NCOA5: variants seen among roughly 807,000 people sequenced by gnomAD.
NCOA5 encodes nuclear receptor coactivator 5, also known as NCoA-5.
A neutral mutation model predicts 59.0 loss-of-function variants in NCOA5; 12 were observed. The ratio of observed to expected loss-of-function variants is 0.20; its 90% CI spans 0.13 to 0.33. The LOEUF is 0.33. NCOA5 is among the 10% of genes least tolerant of loss of function. NCOA5 has a pLI of 1.00. For synonymous variants in NCOA5, 270 were observed against 275.5 expected, an observed-to-expected ratio of 0.98 and a Z score of 0.20; for missense variants, 655 against 766.6, an observed-to-expected ratio of 0.85 and a Z score of 1.72.
chr20:46,070,638 T>C, intron 2 of NCOA5, 102 bp from the exon 3 acceptor site: 1 of 1,112,226 alleles, frequency 9.0e-7, no homozygotes, highest in Non-Finnish European at 1.3e-6. Context: ...CATTCTTCTC[T>C]AAAACAGGGC....
rs555212391 is a variant in NCOA5, at chr20:46,069,887, T to G, written c.365+323A>C. 5.3e-5 allele frequency among the ~76,000 whole-genome samples: 8 copies of G among 152,316 alleles called. No individual in the cohort carries two copies. In the South Asian group the frequency reaches 1.7e-3, roughly 32 times the overall value. On this transcript the variant is annotated intron_variant, in intron 3 of 7. Transcript: ENST00000290231. ...TATACTCAGGAGCGGAACTGATAGA[T>G]CATATGGTAATTCTATGTTTAACTT...
intron 1 of NCOA5, among the ~76,000 whole-genome samples, chr20:46,084,877 C>T (rs1047533912): frequency 6.6e-6 from 1 of 152,104 alleles, no homozygotes; most frequent in Non-Finnish European, 1.5e-5. Context: ...CTAAACTGTA[C>T]AAGTGGAGAA....
intron 2 of NCOA5, among the ~76,000 whole-genome samples, chr20:46,078,657 G>C (rs1285173938): frequency 6.7e-6 from 1 of 149,512 alleles, no homozygotes; most frequent in African/African-American, 2.6e-5. Context: ...TATGGGGCCA[G>C]AACAATTGAA....
At chr20:46,089,204 G>A in intron 1 of NCOA5, among the ~76,000 whole-genome samples, 1 of 152,162 alleles carries the variant, frequency 6.6e-6, no homozygotes, top group East Asian at 1.9e-4. Context: ...TGAGCTACGT[G>A]GTAAACCCGG....
rs1314008558 is a variant in NCOA5 at position 46,065,022 on chromosome 20, T to C, written c.829+7A>G. On this transcript the variant is annotated splice_region_variant and intron_variant, in intron 6 of 7. Transcript: ENST00000290231. Reference sequence around the variant, plus strand: ...TAGTGACTACCTCCGGTATTCTGACTCTGTACCTTGCGGGGTTCCAAACAT... The same window carrying C: ...TAGTGACTACCTCCGGTATTCTGACCCTGTACCTTGCGGGGTTCCAAACAT... 1.2e-6 allele frequency: 2 copies of C among 1,613,926 alleles called. No homozygotes were observed. The highest frequency in any genetic ancestry group is 1.7e-6 in the Non-Finnish European group (2 of 1,179,988).
intron 2 of NCOA5, 138 bp from the exon 3 acceptor site, chr20:46,070,674 T>C: frequency 1.4e-6 from 1 of 725,834 alleles, no homozygotes; most frequent in South Asian, 1.8e-5. Context: ...GACTCAACAT[T>C]TAAGGCCAGT....
At chr20:46,078,605 C>A (rs1270241685) in intron 2 of NCOA5, among the ~76,000 whole-genome samples, 4 of 144,998 alleles carry the variant, frequency 2.8e-5, no homozygotes, top group African/African-American at 1.2e-4. Context: ...TATATCATAT[C>A]TGTCTGCCCT....
intron 2 of NCOA5, among the ~76,000 whole-genome samples, chr20:46,075,285 A>T (rs1237934855): frequency 6.6e-6 from 1 of 152,232 alleles, no homozygotes; most frequent in Non-Finnish European, 1.5e-5. Context: ...TAGAGGTGGC[A>T]GCTGCTGAGA....
intron 2 of NCOA5, among the ~76,000 whole-genome samples, chr20:46,077,262 C>T (rs536411787): frequency 5.7e-4 from 87 of 152,058 alleles, no homozygotes; most frequent in Middle Eastern, 3.4e-3. Context: ...TTTGTTTGTG[C>T]GGGGACTATT....
rs1370313072 is a variant in NCOA5 at position 46,064,929 on chromosome 20, T to C, written c.829+100A>G. 3.5e-6 allele frequency: 4 copies of C among 1,137,640 alleles called. No individual in the cohort carries two copies. The East Asian group carries it at 9.4e-5, about 27-fold the overall frequency. The allele number at this position is 1,137,640 out of a possible 1,614,324, so 70.5% of individuals were successfully genotyped here. A position where few individuals can be genotyped will look rare whatever the true frequency, so the allele number is the denominator to read the frequency against. On this transcript the variant is annotated intron_variant, in intron 6 of 7. Coordinates refer to ENST00000290231, the MANE Select transcript of NCOA5 (RefSeq NM_020967.3). ...GAGAGGGGCCCTACCATATATGAAC[T>C]GAGATATAAGAGTCATTTGCCCAAA...
At chr20:46,077,277 A>T (rs1001875929) in intron 2 of NCOA5, among the ~76,000 whole-genome samples, 3 of 152,134 alleles carry the variant, frequency 2.0e-5, no homozygotes, top group South Asian at 4.1e-4. Context: ...ACTATTATTT[A>T]AAAAAAGCAT....
chr20:46,069,490 C>A (rs1200322366), intron 3 of NCOA5, among the ~76,000 whole-genome samples: 3 of 152,186 alleles, frequency 2.0e-5, no homozygotes, highest in Admixed American at 6.5e-5. Flanking sequence ...AATCTCAGCA[C>A]TTTGGGAAGC....
At chr20:46,086,366 T>A (rs2085045607) in intron 1 of NCOA5, among the ~76,000 whole-genome samples, 1 of 152,218 alleles carries the variant, frequency 6.6e-6, no homozygotes, top group Non-Finnish European at 1.5e-5. Flanking sequence ...TCTCTTTTTT[T>A]AAGTGAAAGG....
chr20:46,086,218 T>A (rs556482552), intron 1 of NCOA5, among the ~76,000 whole-genome samples: 2 of 152,192 alleles, frequency 1.3e-5, no homozygotes, highest in African/African-American at 2.4e-5. Flanking sequence ...GACAAGACAC[T>A]CTGTTTTCTA....
At chr20:46,063,217 G>C (rs1257936397) in intron 7 of NCOA5, 143 bp downstream of exon 7, 1 of 733,968 alleles carries the variant, frequency 1.4e-6, no homozygotes, top group African/African-American at 1.8e-5. Flanking sequence ...ATCAGCATGG[G>C]TGGCCCACGG....
At chr20:46,089,560 A>G (rs975166035) in intron 1 of NCOA5, among the ~76,000 whole-genome samples, 1 of 152,020 alleles carries the variant, frequency 6.6e-6, no homozygotes, top group Non-Finnish European at 1.5e-5. Context: ...CTGCGATGCG[A>G]CGCCGCCGAC....
intron 1 of NCOA5, among the ~76,000 whole-genome samples, chr20:46,083,520 C>A (rs2085014108): frequency 6.6e-6 from 1 of 152,158 alleles, no homozygotes; most frequent in Admixed American, 6.5e-5. Context: ...CAATTAAGAT[C>A]TCTAAACTAA....
intron 1 of NCOA5, among the ~76,000 whole-genome samples, chr20:46,086,828 TGA>T (rs1481218617): frequency 2.0e-5 from 3 of 152,192 alleles, no homozygotes; most frequent in African/African-American, 7.2e-5. Context: ...AAAATATTCA[TGA>T]GAGGATAGCA....
intron 3 of NCOA5, among the ~76,000 whole-genome samples, chr20:46,068,979 T>TTA (rs2084853460): frequency 1.3e-5 from 2 of 152,102 alleles, no homozygotes; most frequent in African/African-American, 4.8e-5. Flanking sequence ...TATTATTATT[T>TTA]TTTTTTTAGT....
Sources: allele counts gnomAD v4.1 joint callset (sites outside exome capture counted in the v4.1 genomes callset), GRCh38; gene constraint gnomAD v4.1.1; transcripts MANE v1.5; gene names NCBI Gene and HGNC (gene_info 2026-07-23, HGNC 2026-07-21).